The following AGBL4 variants were observed in gnomAD, a reference collection of about 807,000 sequenced individuals.
The protein encoded by AGBL4 is AGBL carboxypeptidase 4.
AGBL4 carries 58 observed loss-of-function variants against 66.4 expected under a neutral mutation model. The observed-to-expected ratio is 0.87, with a 90% CI of 0.71 to 1.09. The LOEUF (loss-of-function observed/expected upper bound fraction) is 1.09, where lower values mean the gene tolerates loss of function less well. Among genes scored for constraint, AGBL4 ranks in the 50% least tolerant of loss-of-function variants. The pLI, the probability that AGBL4 is intolerant of heterozygous loss-of-function variation, is 0.00. For synonymous variants in AGBL4, 234 were observed against 222.9 expected, an observed-to-expected ratio of 1.05 and a Z score of -0.44; for missense variants, 579 against 631.0, an observed-to-expected ratio of 0.92 and a Z score of 0.88.
At chr1:49,391,475 G>A (rs577413498) in intron 3 of AGBL4, among the ~76,000 whole-genome samples, 10 of 152,058 alleles carry the variant, frequency 6.6e-5, no homozygotes, top group African/African-American at 2.4e-4. Flanking sequence ...TGGATAGAAA[G>A]GAGGAACAGA....
rs1016999380 is a variant in AGBL4 at position 49,034,353 on chromosome 1, A to G, written c.594+11231T>C. On this transcript the variant is annotated intron_variant, in intron 5 of 13. Transcript: ENST00000371839. ...AAATCTTGTTTCACATACATGACTT[A>G]TATTACTGGGGTTAGCAGCATAACC... is the stretch of plus-strand genomic sequence containing the variant. 6.6e-5 allele frequency among the ~76,000 whole-genome samples: 10 copies of G among 152,156 alleles called. No homozygotes were observed. In the South Asian group the frequency reaches 8.3e-4, roughly 13 times the overall value.
At chr1:49,561,678 G>A (rs1425482201) in intron 3 of AGBL4, among the ~76,000 whole-genome samples, 13 of 152,046 alleles carry the variant, frequency 8.6e-5, no homozygotes, top group African/African-American at 3.1e-4. Flanking sequence ...TGGTGTATAT[G>A]TGCCACATTT....
At chr1:49,978,010 C>T (rs750911637) in intron 1 of AGBL4, among the ~76,000 whole-genome samples, 1 of 152,196 alleles carries the variant, frequency 6.6e-6, no homozygotes, top group Admixed American at 6.5e-5. Context: ...CTCAAAGATA[C>T]ACATTCTGAT....
chr1:49,214,900 T>C (rs918065062), intron 4 of AGBL4, among the ~76,000 whole-genome samples: 1 of 152,176 alleles, frequency 6.6e-6, no homozygotes, highest in Non-Finnish European at 1.5e-5. Flanking sequence ...TCTCAGTCTC[T>C]TTCTTATGAA....
intron 4 of AGBL4, among the ~76,000 whole-genome samples, chr1:49,089,774 C>T (rs1213254240): frequency 6.6e-6 from 1 of 152,094 alleles, no homozygotes; most frequent in Non-Finnish European, 1.5e-5. Flanking sequence ...GCCACCAAAA[C>T]TTGGCAGAGA....
At chr1:48,556,215 C>A (rs1490190633) in intron 11 of AGBL4, among the ~76,000 whole-genome samples, 5 of 152,160 alleles carry the variant, frequency 3.3e-5, no homozygotes, top group South Asian at 4.1e-4. Context: ...GCCTTAAACT[C>A]CCCATGAGGC....
At chr1:48,727,428 C>T (rs550415797) in intron 6 of AGBL4, 4 of 152,368 alleles carry the variant, frequency 2.6e-5, no homozygotes, top group African/African-American at 9.6e-5. Context: ...AATATTCCTT[C>T]CCTGAAAGGA....
At chr1:49,406,220 T>C (rs953764312) in intron 3 of AGBL4, among the ~76,000 whole-genome samples, 20 of 152,338 alleles carry the variant, frequency 1.3e-4, no homozygotes, top group African/African-American at 4.8e-4. Context: ...GATTTGATTA[T>C]TTTGTAGTGA....
At chr1:48,905,023 A>T (rs1052404832) in intron 5 of AGBL4, among the ~76,000 whole-genome samples, 1 of 152,212 alleles carries the variant, frequency 6.6e-6, no homozygotes, top group African/African-American at 2.4e-5. Flanking sequence ...TTACAATCCA[A>T]TGGCTTAATT....
chr1:48,759,396 G>T (rs1644134398), intron 6 of AGBL4: 1 of 1,443,896 alleles, frequency 6.9e-7, no homozygotes, highest in Non-Finnish European at 9.1e-7. Context: ...GAACATCAGT[G>T]CTTGGAGAAA....
chr1:48,545,091 G>C (rs1644137360), intron 11 of AGBL4, among the ~76,000 whole-genome samples: 1 of 152,314 alleles, frequency 6.6e-6, no homozygotes, highest in Middle Eastern at 3.4e-3. Flanking sequence ...ATGAATGAAT[G>C]AATGAATGAG....
chr1:49,154,139 A>G (rs952809012), intron 4 of AGBL4, among the ~76,000 whole-genome samples: 4 of 152,126 alleles, frequency 2.6e-5, no homozygotes, highest in Non-Finnish European at 4.4e-5. Flanking sequence ...TCTGCTGTAG[A>G]ATGCCAGAGG....
intron 5 of AGBL4, among the ~76,000 whole-genome samples, chr1:48,883,164 T>C (rs1649955420): frequency 6.6e-6 from 1 of 152,254 alleles, no homozygotes; most frequent in African/African-American, 2.4e-5. Context: ...ATGGTAGTTC[T>C]ATTTTTAATT....
intron 4 of AGBL4, among the ~76,000 whole-genome samples, chr1:49,134,606 C>G (rs1645971419): frequency 6.6e-6 from 1 of 151,664 alleles, no homozygotes. Flanking sequence ...TGGCTCTGTC[C>G]TGCCTGGCTC....
chr1:49,514,066 T>C (rs566951214), intron 3 of AGBL4, among the ~76,000 whole-genome samples: 1 of 152,134 alleles, frequency 6.6e-6, no homozygotes, highest in South Asian at 2.1e-4. Flanking sequence ...TGTACATTGA[T>C]TTTGTATCCT....
intron 6 of AGBL4, among the ~76,000 whole-genome samples, chr1:48,777,625 A>C (rs1645160680): frequency 6.6e-6 from 1 of 152,034 alleles, no homozygotes; most frequent in African/African-American, 2.4e-5. Flanking sequence ...GGCTTATCTG[A>C]GATTTCCAGT....
At chr1:49,916,334 G>GA (rs1466906527) in intron 1 of AGBL4, among the ~76,000 whole-genome samples, 1 of 152,040 alleles carries the variant, frequency 6.6e-6, no homozygotes, top group Non-Finnish European at 1.5e-5. Flanking sequence ...TAAAAACCTT[G>GA]AAAAAAGATT....
intron 6 of AGBL4, among the ~76,000 whole-genome samples, chr1:48,786,247 T>C (rs1048224211): frequency 6.6e-6 from 1 of 152,210 alleles, no homozygotes; most frequent in African/African-American, 2.4e-5. Context: ...CTGCTTTACA[T>C]ATTTAGTTCT....
In AGBL4 at chr1:48,704,838, G is replaced by A. The variant is rs191426150; in HGVS notation, c.635-41597C>T. The stretch of plus-strand genomic sequence containing the variant: ...GTATCCTCCAAAATAATAATTAAAA[G>A]TATAGTGTAGGAAGTACATAAGCCA... On this transcript the variant is annotated intron_variant, in intron 6 of 13. Transcript: ENST00000371839. 1.2e-4 allele frequency among the ~76,000 whole-genome samples: 19 copies of A among 152,274 alleles called. No homozygotes were observed. In the East Asian group the frequency reaches 3.7e-3, roughly 29 times the overall value.
Sources: gnomAD v4.1 joint callset for allele counts (sites outside exome capture counted in the v4.1 genomes callset) on GRCh38, gnomAD v4.1.1 for gene constraint, MANE v1.5 for transcripts, NCBI Gene and HGNC (gene_info 2026-07-23, HGNC 2026-07-21) for gene names.